Variants in PARD3 observed in about 807,000 individuals in gnomAD.
The protein encoded by PARD3 is partitioning defective 3 homolog.
PARD3 carries 75 observed loss-of-function variants against 155.4 expected under a neutral mutation model. The ratio of observed to expected loss-of-function variants is 0.48; its 90% CI spans 0.40 to 0.58. The LOEUF is 0.58. Ranked by LOEUF, PARD3 falls within the 20% of genes least tolerant of loss-of-function variation. The pLI is 0.00. For missense variants in PARD3, 1,642 were observed against 1,721.7 expected (o/e 0.95, Z 0.82); for synonymous variants, 576 against 610.5 (o/e 0.94, Z 0.83).
At chr10:34,256,162 A>T (rs1308450202) in intron 22 of PARD3, among the ~76,000 whole-genome samples, 1 of 152,258 alleles carries the variant, frequency 6.6e-6, no homozygotes, top group East Asian at 1.9e-4. Flanking sequence ...CTAATTATTC[A>T]CTAATTCAGA....
At chr10:34,147,931 A>G (rs570469121) in intron 22 of PARD3, among the ~76,000 whole-genome samples, 1 of 152,254 alleles carries the variant, frequency 6.6e-6, no homozygotes, top group Admixed American at 6.5e-5. Context: ...GGAGAAAAGA[A>G]TGGAGCAAAA....
chr10:34,494,340 T>C (rs1307698319), intron 3 of PARD3, among the ~76,000 whole-genome samples: 3 of 152,162 alleles, frequency 2.0e-5, no homozygotes, highest in Non-Finnish European at 4.4e-5. Flanking sequence ...GTGCTAGTCA[T>C]GAGGTAGAAG....
intron 5 of PARD3, among the ~76,000 whole-genome samples, chr10:34,432,339 C>T (rs1208877656): frequency 7.2e-5 from 2 of 27,964 alleles, no homozygotes; most frequent in East Asian, 5.5e-4. Context: ...CGTGCACATA[C>T]ACACACACAC....
intron 5 of PARD3, among the ~76,000 whole-genome samples, chr10:34,406,250 A>G (rs543660029): frequency 1.3e-5 from 2 of 152,342 alleles, no homozygotes; most frequent in East Asian, 3.9e-4. Context: ...TACATGCTCA[A>G]AAAGATCAAG....
chr10:34,374,793 A>C, intron 11 of PARD3, 81 bp downstream of exon 11: 1 of 1,332,650 alleles, frequency 7.5e-7, no homozygotes, highest in Non-Finnish European at 1.0e-6. Flanking sequence ...ATGTCTCAAT[A>C]AACATTTGCC....
chr10:34,497,327 T>A (rs1462743627), intron 3 of PARD3, among the ~76,000 whole-genome samples: 3 of 152,208 alleles, frequency 2.0e-5, no homozygotes, highest in Non-Finnish European at 4.4e-5. Context: ...GCGTTTACAT[T>A]GTGTTAGGCC....
intron 5 of PARD3, among the ~76,000 whole-genome samples, chr10:34,426,176 T>C (rs1431727334): frequency 6.6e-6 from 1 of 152,218 alleles, no homozygotes; most frequent in African/African-American, 2.4e-5. Flanking sequence ...ACTTACTAGG[T>C]AGGTAACATG....
intron 4 of PARD3, among the ~76,000 whole-genome samples, chr10:34,465,329 G>A (rs1357664968): frequency 6.6e-6 from 1 of 152,088 alleles, no homozygotes; most frequent in East Asian, 1.9e-4. Flanking sequence ...GAAAAAAAAG[G>A]GGGTTGGGGA....
At chr10:34,551,189 C>T (rs2084525323) in intron 2 of PARD3, among the ~76,000 whole-genome samples, 1 of 152,120 alleles carries the variant, frequency 6.6e-6, no homozygotes, top group Admixed American at 6.6e-5. Context: ...AAATTTTGCA[C>T]ATCCGTATGT....
chr10:34,781,963 TACATAAAC>T (rs2134173880), intron 1 of PARD3, among the ~76,000 whole-genome samples: 2 of 152,338 alleles, frequency 1.3e-5, no homozygotes, highest in South Asian at 4.1e-4. Context: ...CCCTTCACAG[TACATAAAC>T]ATTCTGAAAG....
chr10:34,263,409 C>G (rs565563239), intron 22 of PARD3, among the ~76,000 whole-genome samples: 46 of 152,150 alleles, frequency 3.0e-4, no homozygotes, highest in Admixed American at 2.9e-3. Flanking sequence ...GTAATCCCAG[C>G]ACTATGGGAG....
chr10:34,592,839 T>C (rs1031608582), intron 2 of PARD3, among the ~76,000 whole-genome samples: 1 of 152,160 alleles, frequency 6.6e-6, no homozygotes, highest in Non-Finnish European at 1.5e-5. Context: ...AGAGATGAAA[T>C]GACTGCTCCA....
chr10:34,515,855 T>G (rs1310814916), intron 3 of PARD3, among the ~76,000 whole-genome samples: 1 of 152,024 alleles, frequency 6.6e-6, no homozygotes, highest in Non-Finnish European at 1.5e-5. Context: ...TTATTACCCA[T>G]CTGTTTATAA....
chr10:34,175,391 G>C (rs1420109787), intron 22 of PARD3, among the ~76,000 whole-genome samples: 1 of 152,062 alleles, frequency 6.6e-6, no homozygotes, highest in Non-Finnish European at 1.5e-5. Flanking sequence ...GCCTGTGTCA[G>C]AACCCAAAGA....
intron 5 of PARD3, among the ~76,000 whole-genome samples, chr10:34,448,134 C>CATGTGTGT (rs142220985): frequency 6.8e-6 from 1 of 147,042 alleles, no homozygotes; most frequent in African/African-American, 2.6e-5. Context: ...ATATACACTG[C>CATGTGTGT]GTGTGTGTGT....
chr10:34,684,786 C>T (rs1269428307), intron 2 of PARD3, among the ~76,000 whole-genome samples: 138 of 38,012 alleles, frequency 3.6e-3, no homozygotes, highest in African/African-American at 0.019. Context: ...CATACACACA[C>T]ACACACACAC....
chr10:34,611,773 A>G (rs1177993887), intron 2 of PARD3, among the ~76,000 whole-genome samples: 1 of 151,316 alleles, frequency 6.6e-6, no homozygotes, highest in Non-Finnish European at 1.5e-5. Flanking sequence ...ATCCACGTAC[A>G]TGAAGATGGG....
intron 22 of PARD3, among the ~76,000 whole-genome samples, chr10:34,131,976 T>A (rs1020501766): frequency 4.6e-5 from 7 of 152,182 alleles, no homozygotes; most frequent in Admixed American, 6.5e-5. Context: ...ACTTAATGTT[T>A]CTAAGCTGAA....
In PARD3 at chr10:34,382,814, GTTC is replaced by G; in HGVS notation, c.1122_1124del (p.Lys374del). ...GGCTAAAACGGCTTGAATAGTAATTGTTCTTCTCACTTTGGGATAGTTGTTCAT... is the reference window on the plus strand; with the variant it reads ...GGCTAAAACGGCTTGAATAGTAATTGTTCTCACTTTGGGATAGTTGTTCAT... On this transcript the variant is annotated inframe_deletion, in exon 9 of 25. Coordinates refer to ENST00000374788, the MANE Select transcript of PARD3 (RefSeq NM_001184785.2). The G allele has an allele frequency of 3.1e-6, 5 of 1,614,116 alleles. No homozygotes were observed. The highest frequency in any genetic ancestry group is 4.2e-6 in the Non-Finnish European group (5 of 1,180,026).
Sources: gnomAD v4.1 joint callset for allele counts (sites outside exome capture counted in the v4.1 genomes callset) on GRCh38, gnomAD v4.1.1 for gene constraint, MANE v1.5 for transcripts, NCBI Gene and HGNC (gene_info 2026-07-23, HGNC 2026-07-21) for gene names.